Variants in ZNF618 observed in about 807,000 individuals in gnomAD.
ZNF618 encodes zinc finger protein 618.
In ZNF618, 34 loss-of-function variants were observed where a neutral mutation model predicts 103.0. The ratio of observed to expected loss-of-function variants is 0.33; its 90% CI spans 0.25 to 0.44. ZNF618 has a LOEUF of 0.44. Among genes scored for constraint, ZNF618 ranks in the 20% least tolerant of loss-of-function variants. The probability of loss-of-function intolerance (pLI) is 1.00; values close to 1 mark genes in which losing one functional copy is unlikely to be tolerated. For missense variants in ZNF618, 1,059 were observed against 1,295.4 expected, an observed-to-expected ratio of 0.82 and a Z score of 2.80; for synonymous variants, 551 against 542.2, an observed-to-expected ratio of 1.02 and a Z score of -0.23.
At chr9:114,020,093 A>G (rs180863040) in intron 10 of ZNF618, among the ~76,000 whole-genome samples, 1 of 152,334 alleles carries the variant, frequency 6.6e-6, no homozygotes, top group Admixed American at 6.5e-5. Flanking sequence ...CATGTGTTGA[A>G]AAGATTATCT....
intron 10 of ZNF618, among the ~76,000 whole-genome samples, chr9:114,025,974 C>T (rs892635078): frequency 1.1e-4 from 16 of 152,158 alleles, no homozygotes; most frequent in African/African-American, 3.6e-4. Flanking sequence ...GGAGCATACA[C>T]GCTAATGGGG....
chr9:114,004,500 C>G (rs1440638815), intron 6 of ZNF618, among the ~76,000 whole-genome samples: 1 of 152,238 alleles, frequency 6.6e-6, no homozygotes, highest in Non-Finnish European at 1.5e-5. Context: ...TCCAGCAGCC[C>G]CTCAATGATC....
chr9:113,979,979 AAG>A (rs927929905), intron 2 of ZNF618, among the ~76,000 whole-genome samples: 3 of 152,104 alleles, frequency 2.0e-5, no homozygotes, highest in African/African-American at 7.2e-5. Context: ...AGACAGGAGA[AAG>A]GGGGGGTGGC....
chr9:113,983,269 C>T (rs1382583565), intron 2 of ZNF618, among the ~76,000 whole-genome samples: 4 of 152,090 alleles, frequency 2.6e-5, no homozygotes, highest in East Asian at 1.9e-4. Flanking sequence ...GAAGGAGCTG[C>T]GCCACTAACT....
At chr9:113,935,858 AG>A (rs1440038458) in intron 1 of ZNF618, among the ~76,000 whole-genome samples, 4 of 152,180 alleles carry the variant, frequency 2.6e-5, no homozygotes, top group African/African-American at 9.7e-5. Flanking sequence ...TTTGGGGCCT[AG>A]GGCAGGAGAT....
intron 10 of ZNF618, among the ~76,000 whole-genome samples, chr9:114,026,973 C>T (rs990992604): frequency 1.3e-5 from 2 of 152,132 alleles, no homozygotes; most frequent in Non-Finnish European, 2.9e-5. Flanking sequence ...ACTCCAGACT[C>T]AAGGCTGGTT....
chr9:113,885,798 G>A (rs1351808060), intron 1 of ZNF618, among the ~76,000 whole-genome samples: 1 of 152,134 alleles, frequency 6.6e-6, no homozygotes, highest in African/African-American at 2.4e-5. Flanking sequence ...ACATGTTGGC[G>A]ACAACTCCTT....
intron 2 of ZNF618, among the ~76,000 whole-genome samples, chr9:113,979,700 C>T (rs1838807245): frequency 6.6e-6 from 1 of 152,222 alleles, no homozygotes; most frequent in Non-Finnish European, 1.5e-5. Flanking sequence ...ACTTGGTAAA[C>T]AGCCTCTTGC....
Position 114,049,819 on chromosome 9 carries a change from C to T in ZNF618, c.2517C>T (p.Ser839=). 2 of 1,613,968 alleles carry T rather than the reference C, an allele frequency of 1.2e-6. No homozygotes were observed. Among genetic ancestry groups the T allele is most frequent in the Non-Finnish European group, 1.7e-6 (2 of 1,179,904 alleles). ...AGCTCATCAACGAGGTGAAGGAGTC[C>T]TGGGCCGAGGAGGCCGACTTCGAGC... ...VCELINEVKE[S]WAEEADFEPA... is the part of the protein sequence containing the mutation. The change falls in exon 15 of 15, where the codon TCC becomes TCT. Residue 839 remains serine, a synonymous_variant. Coordinates refer to ENST00000374126, the MANE Select transcript of ZNF618 (RefSeq NM_001318042.2).
chr9:113,891,228 A>G (rs1035432581), intron 1 of ZNF618, among the ~76,000 whole-genome samples: 7 of 152,236 alleles, frequency 4.6e-5, no homozygotes, highest in African/African-American at 1.7e-4. Flanking sequence ...AATGGCAGAA[A>G]ATATTTGCAA....
At chr9:113,932,649 A>G (rs1019535762) in intron 1 of ZNF618, among the ~76,000 whole-genome samples, 1 of 152,108 alleles carries the variant, frequency 6.6e-6, no homozygotes, top group Admixed American at 6.5e-5. Context: ...GCTTCCTTGG[A>G]TGTGGAGCAT....
At chr9:113,987,999 T>C (rs553593436) in intron 2 of ZNF618, among the ~76,000 whole-genome samples, 8 of 152,324 alleles carry the variant, frequency 5.3e-5, no homozygotes, top group Non-Finnish European at 1.2e-4. Context: ...ACTCCAGTTA[T>C]GATAAGTGCA....
intron 1 of ZNF618, among the ~76,000 whole-genome samples, chr9:113,938,163 C>CTT (rs1834192461): frequency 8.1e-6 from 1 of 123,832 alleles, no homozygotes; most frequent in Non-Finnish European, 1.7e-5. Flanking sequence ...CTTCAGGCTC[C>CTT]TGTTTTTTTT....
At chr9:114,048,049 C>A in intron 14 of ZNF618, 55 bp downstream of exon 14, 2 of 1,408,278 alleles carry the variant, frequency 1.4e-6, no homozygotes, top group South Asian at 1.3e-5. Context: ...TCCAGTTGTT[C>A]CTCTCTGCCC....
chr9:114,049,591 C>A lies in ZNF618; in HGVS notation c.2289C>A (p.Thr763=). 1.2e-6 allele frequency: 2 copies of A among 1,613,854 alleles called. No homozygotes were observed. The highest frequency in any genetic ancestry group is 1.7e-6 in the Non-Finnish European group (2 of 1,179,898). ...SQPTLQLVLP[T]YVRLEKLFTA... is the part of the protein sequence containing the mutation. The stretch of plus-strand genomic sequence containing the variant: ...CCACCCTGCAGCTGGTGCTGCCCAC[C>A]TACGTCAGGCTGGAGAAGCTGTTCA... The change falls in exon 15 of 15, where the codon ACC becomes ACA. Residue 763 remains threonine (T), a synonymous_variant. Coordinates refer to ENST00000374126, the MANE Select transcript of ZNF618 (RefSeq NM_001318042.2).
intron 1 of ZNF618, among the ~76,000 whole-genome samples, chr9:113,908,637 T>A (rs981734795): frequency 6.6e-6 from 1 of 152,140 alleles, no homozygotes; most frequent in African/African-American, 2.4e-5. Context: ...AGCAGGTTCC[T>A]ATCTGCTTGG....
At position 113,988,315 on chromosome 9, in the gene ZNF618, T is replaced by C. The variant is rs769046003; in HGVS notation, c.78-6T>C. ...AAGGTATTGAACGGAGTTTCTTCTT[T>C]CCCAGGGAGCGCTTGAAGCGCAGCC... is the stretch of plus-strand genomic sequence containing the variant. On this transcript the variant is annotated splice_region_variant and splice_polypyrimidine_tract_variant and intron_variant, in intron 2 of 14. Transcript: ENST00000374126. 2.1e-5 allele frequency: 33 copies of C among 1,609,402 alleles called. No individual in the cohort carries two copies.
chr9:113,921,205 G>C (rs148823243), intron 1 of ZNF618, among the ~76,000 whole-genome samples: 149 of 152,348 alleles, frequency 9.8e-4, no homozygotes, highest in African/African-American at 3.4e-3. Flanking sequence ...CCTAATACCT[G>C]GGTGTTCCTA....
At chr9:113,894,540 T>G (rs1829876060) in intron 1 of ZNF618, among the ~76,000 whole-genome samples, 1 of 152,246 alleles carries the variant, frequency 6.6e-6, no homozygotes. Context: ...ATTGTAAATG[T>G]CTTGAATTTA....
Sources: allele counts gnomAD v4.1 joint callset (sites outside exome capture counted in the v4.1 genomes callset), GRCh38; gene constraint gnomAD v4.1.1; transcripts MANE v1.5; gene names NCBI Gene and HGNC (gene_info 2026-07-23, HGNC 2026-07-21).